ATP10D: variants seen among roughly 807,000 people sequenced by gnomAD.
ATP10D encodes the protein phospholipid-transporting ATPase VD.
A neutral mutation model predicts 144.8 loss-of-function variants in ATP10D; 89 were observed. The ratio of observed to expected loss-of-function variants is 0.61; its 90% CI spans 0.52 to 0.73. The LOEUF (loss-of-function observed/expected upper bound fraction) is 0.73, where lower values mean the gene tolerates loss of function less well. Among genes scored for constraint, ATP10D ranks in the 30% least tolerant of loss-of-function variants. The pLI is 0.00. For missense variants in ATP10D, 1,603 were observed against 1,714.8 expected, an observed-to-expected ratio of 0.93 and a Z score of 1.15; for synonymous variants, 571 against 615.1, an observed-to-expected ratio of 0.93 and a Z score of 1.06.
Position 47,522,954 on chromosome 4 carries a change from A to G in ATP10D, c.486-58A>G, listed in dbSNP as rs936005428. ...CGCTAAAAAATTTTTTAAAAAAAACATTGTATGTATTTTTCACTTGATATT... is the reference window on the plus strand; with the variant it reads ...CGCTAAAAAATTTTTTAAAAAAAACGTTGTATGTATTTTTCACTTGATATT... On this transcript the variant is annotated intron_variant, in intron 3 of 22. Coordinates refer to ENST00000273859, the MANE Select transcript of ATP10D (RefSeq NM_020453.4). The G allele has an allele frequency of 3.7e-6, 5 of 1,367,638 alleles. No homozygotes were observed. In the African/African-American group the frequency reaches 4.4e-5, roughly 12 times the overall value. 84.7% of individuals were successfully genotyped at this position (1,367,638 alleles called of 1,614,324 possible).
At chr4:47,584,079 A>T (rs1451575245) in intron 21 of ATP10D, among the ~76,000 whole-genome samples, 1 of 152,212 alleles carries the variant, frequency 6.6e-6, no homozygotes. Context: ...AGAGTCAAAG[A>T]TAAACAGAGA....
chr4:47,522,924 T>A (rs1368913134), intron 3 of ATP10D, 88 bp from the exon 4 acceptor site: 11 of 1,104,320 alleles, frequency 1.0e-5, no homozygotes, highest in Non-Finnish European at 1.4e-5. Context: ...ATACTTTAAA[T>A]TATACGCTAA....
chr4:47,539,911 C>T (rs551879742), intron 9 of ATP10D, among the ~76,000 whole-genome samples: 1 of 152,134 alleles, frequency 6.6e-6, no homozygotes, highest in Non-Finnish European at 1.5e-5. Context: ...TTCGTTTATG[C>T]CTCCTCACAC....
intron 21 of ATP10D, 54 bp downstream of exon 21, chr4:47,582,118 A>G: frequency 1.4e-6 from 2 of 1,385,566 alleles, no homozygotes; most frequent in Non-Finnish European, 2.1e-6. Context: ...GCTTGGGGAT[A>G]TGTCTTCTAT....
At chr4:47,494,006 A>C (rs1715221471) in intron 1 of ATP10D, among the ~76,000 whole-genome samples, 1 of 152,160 alleles carries the variant, frequency 6.6e-6, no homozygotes, top group South Asian at 2.1e-4. Flanking sequence ...GCTGTTTCAG[A>C]TACCTCTGTG....
chr4:47,495,376 A>G (rs896733149), intron 1 of ATP10D, among the ~76,000 whole-genome samples: 2 of 152,228 alleles, frequency 1.3e-5, no homozygotes, highest in Non-Finnish European at 2.9e-5. Flanking sequence ...CACATCTTAA[A>G]TGTAAAAGCA....
rs200950403 is a variant in ATP10D at position 47,514,807 on chromosome 4, GTTAA to G, written c.291-662_291-659del. On this transcript the variant is annotated intron_variant, in intron 2 of 22. Transcript: ENST00000273859. ...AGGCTAGAGGGTTGATCTTTATTTT[GTTAA>G]TTAATTTTTATACCACATGAACTCT... 8.0e-3 allele frequency among the ~76,000 whole-genome samples: 1,219 copies of G among 152,134 alleles called. 21 individuals carry two copies. The highest frequency in any genetic ancestry group is 0.037 in the Admixed American group (570 of 15,294).
In ATP10D at chr4:47,523,115, T is replaced by C; in HGVS notation, c.589T>C (p.Phe197Leu). 6.2e-7 allele frequency: 1 copy of C among 1,614,102 alleles called. No individual in the cohort carries two copies. Among genetic ancestry groups the C allele is most frequent in the Non-Finnish European group, 8.5e-7 (1 of 1,179,988 alleles). The part of the protein sequence containing the change: ...EVIPADMVLL[F>L]STDPDGICHI... ...CATCCCTGCAGACATGGTACTACTC[T>C]TTTCCACTGATCCAGATGGAATCTG... is the stretch of plus-strand genomic sequence containing the variant. The change falls in exon 4 of 23, where the codon TTT becomes CTT. Residue 197 changes from phenylalanine to leucine, a missense_variant. Phe to Leu is a conservative substitution (Grantham distance 22). Transcript: ENST00000273859.
intron 15 of ATP10D, among the ~76,000 whole-genome samples, chr4:47,564,958 CGTTTGTTTATTT>C (rs1719529625): frequency 6.6e-6 from 1 of 152,070 alleles, no homozygotes. Flanking sequence ...AACATGTTTT[CGTTTGTTTATTT>C]GTTTGTTTGT....
At chr4:47,551,531 C>T (rs922429272) in intron 10 of ATP10D, among the ~76,000 whole-genome samples, 4 of 152,176 alleles carry the variant, frequency 2.6e-5, no homozygotes, top group Admixed American at 2.0e-4. Flanking sequence ...CCCTCTCTTT[C>T]CTTATAGGAT....
intron 1 of ATP10D, among the ~76,000 whole-genome samples, chr4:47,493,083 A>T (rs140588821): frequency 6.6e-6 from 1 of 152,196 alleles, no homozygotes; most frequent in East Asian, 1.9e-4. Context: ...CTTACCATTA[A>T]TCTTTCTTTT....
Position 47,512,545 on chromosome 4 carries a change from C to T in ATP10D, c.5C>T (p.Thr2Ile). The change falls in exon 2 of 23, where the codon ACT becomes ATT. Residue 2 changes from threonine to isoleucine, a missense_variant. Physicochemically the swap from Thr to Ile is moderately conservative, Grantham distance 89. Coordinates refer to ENST00000273859, the MANE Select transcript of ATP10D (RefSeq NM_020453.4). ...GGATCTTACCACAGTTTGGATATGA[C>T]TGAGGCTCTCCAATGGGCCAGATAT... M[T>I]EALQWARYHW... The T allele has an allele frequency of 1.9e-6, 3 of 1,612,332 alleles. No homozygotes were observed. Among genetic ancestry groups the T allele is most frequent in the Middle Eastern group, 3.3e-4 (2 of 6,052 alleles).
At position 47,563,694 on chromosome 4, in the gene ATP10D, G is replaced by A. The variant is rs371722384; in HGVS notation, c.2782G>A (p.Val928Ile). The A allele has an allele frequency of 1.7e-4, 281 of 1,613,878 alleles. 1 individual carries two copies. Among genetic ancestry groups the A allele is most frequent in the Non-Finnish European group, 2.1e-4 (246 of 1,180,006 alleles). Residue 928 changes from valine to isoleucine, a missense_variant, in exon 15 of 23, where the codon GTC (valine) becomes ATC (isoleucine). Transcript: ENST00000273859. ...GACAGGGGACAAGCAGGAGACAGCT[G>A]TCAACATAGCTTATGCATGCAAACT... ...MLTGDKQETA[V>I]NIAYACKLLE...
rs568660794 is a variant in ATP10D at position 47,591,277 on chromosome 4, A to G, written c.4177A>G (p.Ile1393Val). ...AATGAAGTCAGCAAGTTCCTGTGCTATTGAGCAAGGAAACTTATCTCTGTG... is the reference window on the plus strand; with the variant it reads ...AATGAAGTCAGCAAGTTCCTGTGCTGTTGAGCAAGGAAACTTATCTCTGTG... ...FAMKSASSCA[I>V]EQGNLSLCET... is the part of the protein sequence containing the mutation. Residue 1393 changes from isoleucine to valine, a missense_variant, in exon 23 of 23, where the codon ATT becomes GTT. Physicochemically the swap from Ile to Val is conservative, Grantham distance 29. Transcript: ENST00000273859. 1.9e-6 allele frequency: 3 copies of G among 1,613,598 alleles called. No individual in the cohort carries two copies. The highest frequency in any genetic ancestry group is 3.3e-4 in the Middle Eastern group (2 of 6,060).
chr4:47,553,245 T>C lies in ATP10D; in HGVS notation c.1636-1481T>C, dbSNP rs1404739990. ...TGAGTAACTGAGGGTCTAGCACAAGTGCCAGCTCAGAGCTACTATATATGT... is the reference window on the plus strand; with the variant it reads ...TGAGTAACTGAGGGTCTAGCACAAGCGCCAGCTCAGAGCTACTATATATGT... On this transcript the variant is annotated intron_variant, in intron 10 of 22. Coordinates refer to ENST00000273859, the MANE Select transcript of ATP10D (RefSeq NM_020453.4). 3.3e-5 allele frequency among the ~76,000 whole-genome samples: 5 copies of C among 152,346 alleles called. No homozygotes were observed. In the East Asian group the frequency reaches 7.7e-4, roughly 23 times the overall value.
chr4:47,581,609 T>C (rs1326919110), intron 20 of ATP10D, among the ~76,000 whole-genome samples: 1 of 152,192 alleles, frequency 6.6e-6, no homozygotes, highest in African/African-American at 2.4e-5. Flanking sequence ...GGAGGGTATA[T>C]TTTCCTAGGA....
At chr4:47,488,247 G>T (rs11737854) in intron 1 of ATP10D, among the ~76,000 whole-genome samples, 2 of 151,688 alleles carry the variant, frequency 1.3e-5, no homozygotes, top group Non-Finnish European at 2.9e-5. Flanking sequence ...AATGTATTCT[G>T]TAAAAAAGTG....
chr4:47,592,912 A>T lies in ATP10D; in HGVS notation c.*1531A>T, dbSNP rs866992643. 3 of 152,524 alleles carry T rather than the reference A, an allele frequency of 2.0e-5. No homozygotes were observed. The South Asian group carries it at 6.2e-4, about 32-fold the overall frequency. 9.4% of individuals were successfully genotyped at this position (152,524 alleles called of 1,614,324 possible). The stretch of plus-strand genomic sequence containing the variant: ...GAAAATTGTCATCACTCTTGTAAAC[A>T]TTTGCCAAATCCAACTGTAATTAGT... On this transcript the variant is annotated 3_prime_UTR_variant, in exon 23 of 23. Coordinates refer to ENST00000273859, the MANE Select transcript of ATP10D (RefSeq NM_020453.4).
At chr4:47,503,062 C>T (rs758432231) in intron 1 of ATP10D, among the ~76,000 whole-genome samples, 5 of 152,034 alleles carry the variant, frequency 3.3e-5, no homozygotes, top group African/African-American at 4.8e-5. Context: ...CTTAGCTGGG[C>T]ATGCTGGCGC....
Sources: gnomAD v4.1 joint callset for allele counts (sites outside exome capture counted in the v4.1 genomes callset) on GRCh38, gnomAD v4.1.1 for gene constraint, MANE v1.5 for transcripts, NCBI Gene and HGNC (gene_info 2026-07-23, HGNC 2026-07-21) for gene names.